LHFPL3: variants seen among roughly 807,000 people sequenced by gnomAD.
LHFPL3 encodes LHFPL tetraspan subfamily member 3 protein.
Under a neutral mutation model 19.3 loss-of-function variants are expected in LHFPL3, and 5 were observed. The observed-to-expected ratio is 0.26, with a 90% CI of 0.14 to 0.54. The LOEUF (loss-of-function observed/expected upper bound fraction) is 0.54, where lower values mean the gene tolerates loss of function less well. LHFPL3 is among the 20% of genes least tolerant of loss of function. The pLI is 0.94. For missense variants in LHFPL3, 249 were observed against 307.4 expected (o/e 0.81, Z 1.42); for synonymous variants, 133 against 126.2 (o/e 1.05, Z -0.36).
chr7:104,425,147 A>C (rs930558862), intron 1 of LHFPL3, among the ~76,000 whole-genome samples: 3 of 152,018 alleles, frequency 2.0e-5, no homozygotes, highest in African/African-American at 7.2e-5. Flanking sequence ...AGTAGGGCCC[A>C]GTGAAGGGGA....
chr7:104,793,377 T>C (rs1236477651), intron 2 of LHFPL3, among the ~76,000 whole-genome samples: 2 of 152,206 alleles, frequency 1.3e-5, no homozygotes, highest in Admixed American at 6.5e-5. Flanking sequence ...AAAGGCTAGC[T>C]TTGCGTTACA....
intron 1 of LHFPL3, among the ~76,000 whole-genome samples, chr7:104,645,821 T>C (rs1268384276): frequency 6.6e-6 from 1 of 151,646 alleles, no homozygotes; most frequent in African/African-American, 2.4e-5. Context: ...CCACCACACC[T>C]GGCTAATTTT....
chr7:104,391,837 T>C lies in LHFPL3; in HGVS notation c.445+62613T>C, dbSNP rs571025255. ...CATGAGCATGGAATGTTCTTCCATT[T>C]GTTTGTATCCTCTTTTATTTCATTG... On this transcript the variant is annotated intron_variant, in intron 1 of 2. Transcript: ENST00000424859. Among the ~76,000 whole-genome samples the C allele has an allele frequency of 1.6e-4, 24 of 152,354 alleles. No individual in the cohort carries two copies. In the South Asian group the frequency reaches 2.9e-3, roughly 18 times the overall value.
chr7:104,511,529 A>G (rs1793812485), intron 1 of LHFPL3, among the ~76,000 whole-genome samples: 1 of 152,210 alleles, frequency 6.6e-6, no homozygotes, highest in East Asian at 1.9e-4. Flanking sequence ...TATTCATGGC[A>G]GCTTCATTCA....
intron 2 of LHFPL3, among the ~76,000 whole-genome samples, chr7:104,863,696 C>T (rs981201462): frequency 6.6e-5 from 10 of 152,292 alleles, no homozygotes; most frequent in South Asian, 2.1e-4. Context: ...GTGAGAACAC[C>T]GGCTCAGAGA....
intron 1 of LHFPL3, among the ~76,000 whole-genome samples, chr7:104,580,937 G>A (rs1790449270): frequency 6.6e-6 from 1 of 151,794 alleles, no homozygotes; most frequent in African/African-American, 2.4e-5. Context: ...TCCTGTTGAT[G>A]GACATTTAGG....
chr7:104,866,776 C>A (rs1350409345), intron 2 of LHFPL3, among the ~76,000 whole-genome samples: 1 of 152,170 alleles, frequency 6.6e-6, no homozygotes, highest in Non-Finnish European at 1.5e-5. Context: ...AATATACATT[C>A]TTTTCAGCAC....
chr7:104,346,652 C>T (rs551513020), intron 1 of LHFPL3, among the ~76,000 whole-genome samples: 70 of 149,700 alleles, frequency 4.7e-4, no homozygotes, highest in African/African-American at 1.5e-3. Flanking sequence ...CAGTGACACA[C>T]GTATGTAGTG....
chr7:104,857,309 T>C (rs1172155730), intron 2 of LHFPL3, among the ~76,000 whole-genome samples: 7 of 152,172 alleles, frequency 4.6e-5, no homozygotes, highest in Non-Finnish European at 1.0e-4. Flanking sequence ...AATATCACAA[T>C]GATGCCACCA....
At chr7:104,654,368 A>C (rs1416562656) in intron 1 of LHFPL3, among the ~76,000 whole-genome samples, 1 of 152,182 alleles carries the variant, frequency 6.6e-6, no homozygotes, top group Non-Finnish European at 1.5e-5. Context: ...GATGTAGATG[A>C]GCTGCCAGAA....
intron 1 of LHFPL3, among the ~76,000 whole-genome samples, chr7:104,336,987 A>G (rs2116356812): frequency 6.6e-6 from 1 of 152,248 alleles, no homozygotes; most frequent in South Asian, 2.1e-4. Context: ...AGGGGATTCA[A>G]CTTTAGCTTT....
chr7:104,597,203 A>G (rs1186307193), intron 1 of LHFPL3, among the ~76,000 whole-genome samples: 1 of 152,238 alleles, frequency 6.6e-6, no homozygotes, highest in Non-Finnish European at 1.5e-5. Context: ...ATGTTAAGGC[A>G]TTTCTTTCCA....
chr7:104,492,539 G>C (rs960837813), intron 1 of LHFPL3, among the ~76,000 whole-genome samples: 1 of 152,204 alleles, frequency 6.6e-6, no homozygotes, highest in African/African-American at 2.4e-5. Flanking sequence ...TAACTATTTT[G>C]ATGGCCGTGT....
chr7:104,877,655 C>T (rs1394007063), intron 2 of LHFPL3, among the ~76,000 whole-genome samples: 1 of 152,084 alleles, frequency 6.6e-6, no homozygotes, highest in Non-Finnish European at 1.5e-5. Flanking sequence ...GTGAAACTCT[C>T]ATACATTGCG....
chr7:104,768,804 T>G (rs1300497756), intron 2 of LHFPL3: 4 of 152,222 alleles, frequency 2.6e-5, no homozygotes, highest in African/African-American at 7.2e-5. Flanking sequence ...GTTGCACTCT[T>G]TAGTAGACAG....
At position 104,475,022 on chromosome 7, in the gene LHFPL3, T is replaced by C. The variant is rs890309186; in HGVS notation, c.445+145798T>C. 7.0e-4 allele frequency among the ~76,000 whole-genome samples: 106 copies of C among 152,342 alleles called. 1 individual carries two copies. The highest frequency in any genetic ancestry group is 5.8e-3 in the Admixed American group (88 of 15,300). On this transcript the variant is annotated intron_variant, in intron 1 of 2. Transcript: ENST00000424859. Reference sequence around the variant, plus strand: ...AGACTGTACTTCATGTTTTAGGCCATGGGAGCCATTGCAGTTTGTTGAGAT... The same window carrying C: ...AGACTGTACTTCATGTTTTAGGCCACGGGAGCCATTGCAGTTTGTTGAGAT...
chr7:104,902,171 G>C (rs1349879498), intron 2 of LHFPL3, among the ~76,000 whole-genome samples: 1 of 152,030 alleles, frequency 6.6e-6, no homozygotes, highest in Non-Finnish European at 1.5e-5. Flanking sequence ...CTTGAGTCCG[G>C]GAGTTTGAAA....
intron 2 of LHFPL3, among the ~76,000 whole-genome samples, chr7:104,847,562 G>A (rs1371954252): frequency 6.6e-6 from 1 of 152,144 alleles, no homozygotes; most frequent in Non-Finnish European, 1.5e-5. Context: ...CCAGACTGGA[G>A]TGCAGTGGCA....
intron 2 of LHFPL3, among the ~76,000 whole-genome samples, chr7:104,797,618 C>G (rs1330580982): frequency 6.6e-6 from 1 of 151,774 alleles, no homozygotes; most frequent in Non-Finnish European, 1.5e-5. Context: ...CTTGATAAAA[C>G]TATAGACAAC....
Sources: allele counts gnomAD v4.1 joint callset (sites outside exome capture counted in the v4.1 genomes callset), GRCh38; gene constraint gnomAD v4.1.1; transcripts MANE v1.5; gene names NCBI Gene and HGNC (gene_info 2026-07-23, HGNC 2026-07-21).